The following ADCY3 variants were observed in gnomAD, a reference collection of about 807,000 sequenced individuals.
ADCY3 encodes the protein adenylate cyclase 3, also known as adenylate cyclase type 3.
Under a neutral mutation model 119.4 loss-of-function variants are expected in ADCY3, and 70 were observed. The ratio of observed to expected loss-of-function variants is 0.59; its 90% CI spans 0.48 to 0.72. ADCY3 has a LOEUF of 0.72. Ranked by LOEUF, ADCY3 falls within the 30% of genes least tolerant of loss-of-function variation. ADCY3 has a pLI of 0.00. For synonymous variants in ADCY3, 672 were observed against 621.4 expected, an observed-to-expected ratio of 1.08 and a Z score of -1.21; for missense variants, 1,238 against 1,541.6, an observed-to-expected ratio of 0.80 and a Z score of 3.30.
intron 2 of ADCY3, chr2:24,877,956 C>T (rs1292234018): frequency 2.1e-6 from 1 of 471,242 alleles, no homozygotes; most frequent in Middle Eastern, 3.2e-4. Context: ...GCTCTGGACA[C>T]CACCAAAGTC....
At chr2:24,916,618 G>A (rs887406574) in intron 2 of ADCY3, among the ~76,000 whole-genome samples, 12 of 152,116 alleles carry the variant, frequency 7.9e-5, no homozygotes, top group Non-Finnish European at 1.6e-4. Flanking sequence ...GGAGGCGGAG[G>A]TTGCAGTGAG....
chr2:24,889,375 C>T (rs1677418737), intron 2 of ADCY3, among the ~76,000 whole-genome samples: 1 of 152,218 alleles, frequency 6.6e-6, no homozygotes, highest in Admixed American at 6.5e-5. Flanking sequence ...GCTCAACTCC[C>T]AGACATTGTG....
intron 3 of ADCY3, among the ~76,000 whole-genome samples, chr2:24,852,091 G>A (rs73923442): frequency 0.021 from 3,131 of 152,288 alleles, 82 homozygotes; most frequent in African/African-American, 0.071. Context: ...GGCCCTGACA[G>A]TGCGGCTCTG....
chr2:24,871,365 C>T (rs910739282), intron 3 of ADCY3, among the ~76,000 whole-genome samples: 3 of 152,226 alleles, frequency 2.0e-5, no homozygotes, highest in Non-Finnish European at 4.4e-5. Flanking sequence ...GGCTACTAAG[C>T]CTGGACCTTT....
intron 8 of ADCY3, 34 bp downstream of exon 8, chr2:24,838,410 TG>T: frequency 1.3e-5 from 6 of 464,970 alleles, no homozygotes; most frequent in Non-Finnish European, 1.4e-5. Flanking sequence ...AGGGGTGGGG[TG>T]GGTGGGGTGG....
Position 24,918,857 on chromosome 2 carries a change from CCCGAGTTCCGGACCGAGA to C in ADCY3, c.113_130del (p.Ile38_Gly44delinsSer). On this transcript the variant is annotated inframe_deletion, in exon 2 of 22. Coordinates refer to ENST00000679454, the MANE Select transcript of ADCY3 (RefSeq NM_004036.5). This position sits in a 1 kb window ranked among gnomAD's most constrained non-coding sequence, Gnocchi z 5.4. ...GAAGCGAGGCAGGCACAGGCAGGAG[CCCGAGTTCCGGACCGAGA>C]TTTCATGGGTCCGGCCCACCCCGCG... is the stretch of plus-strand genomic sequence containing the variant. The C allele has an allele frequency of 6.2e-6, 10 of 1,613,368 alleles. No individual in the cohort carries two copies. Among genetic ancestry groups the C allele is most frequent in the Non-Finnish European group, 8.5e-6 (10 of 1,180,034 alleles).
At position 24,919,113 on chromosome 2, in the gene ADCY3, C is replaced by T; in HGVS notation, c.-126G>A. On this transcript the variant is annotated 5_prime_UTR_variant, in exon 2 of 22. Coordinates refer to ENST00000679454, the MANE Select transcript of ADCY3 (RefSeq NM_004036.5). The surrounding 1 kb of genome is among the most constrained non-coding windows in gnomAD (Gnocchi z 5.5). ...GCTGAGGGCCTCTTCTTGTCTGGGGCGGAGGGGAGGCCACCTCCAGCAGGA... is the reference window on the plus strand; with the variant it reads ...GCTGAGGGCCTCTTCTTGTCTGGGGTGGAGGGGAGGCCACCTCCAGCAGGA... 2 of 1,050,776 alleles carry T rather than the reference C, an allele frequency of 1.9e-6. No individual in the cohort carries two copies. The highest frequency in any genetic ancestry group is 2.7e-6 in the Non-Finnish European group (2 of 747,550). 65.1% of individuals were successfully genotyped at this position (1,050,776 alleles called of 1,614,324 possible).
At position 24,898,187 on chromosome 2, in the gene ADCY3, G is replaced by A. The variant is rs943497138; in HGVS notation, c.675+20126C>T. ...CCCCTCCCCTACTGACCTCAGGATCGAAATCCAACGTGCCCTTCACGGCCC... is the reference window on the plus strand; with the variant it reads ...CCCCTCCCCTACTGACCTCAGGATCAAAATCCAACGTGCCCTTCACGGCCC... On this transcript the variant is annotated intron_variant, in intron 2 of 21. Coordinates refer to ENST00000679454, the MANE Select transcript of ADCY3 (RefSeq NM_004036.5). The surrounding 1 kb of genome is among the most constrained non-coding windows in gnomAD (Gnocchi z 4.3). Among the ~76,000 whole-genome samples, 5 of 151,996 alleles carry A rather than the reference G, an allele frequency of 3.3e-5. No homozygotes were observed. Among genetic ancestry groups the A allele is most frequent in the Admixed American group, 1.3e-4 (2 of 15,250 alleles).
rs566470398 is a variant in ADCY3 at position 24,915,687 on chromosome 2, C to T, written c.675+2626G>A. ...TCCTGTGTAGCTGGGATTATAAGCA[C>T]GCCCCATCACACCTGGCTAATTTTT... is the stretch of plus-strand genomic sequence containing the variant. On this transcript the variant is annotated intron_variant, in intron 2 of 21. Transcript: ENST00000679454. Among the ~76,000 whole-genome samples the T allele has an allele frequency of 8.5e-5, 13 of 152,226 alleles. 1 individual carries two copies. The South Asian group carries it at 2.3e-3, about 27-fold the overall frequency.
rs750464171 is a variant in ADCY3 at position 24,828,176 on chromosome 2, G to A, written c.2173-15C>T. 27 of 1,611,458 alleles carry A rather than the reference G, an allele frequency of 1.7e-5. No individual in the cohort carries two copies. In the East Asian group the frequency reaches 2.2e-4, roughly 13 times the overall value. ...AGACAGCTGAGCTGGAGGCCAGGAC[G>A]GCGGGCAGGGACACACGTTCAAGAG... On this transcript the variant is annotated splice_polypyrimidine_tract_variant and intron_variant, in intron 13 of 21. Coordinates refer to ENST00000679454, the MANE Select transcript of ADCY3 (RefSeq NM_004036.5).
intron 9 of ADCY3, 126 bp from the exon 10 acceptor site, chr2:24,835,062 C>T (rs1262090574): frequency 8.0e-7 from 1 of 1,254,166 alleles, no homozygotes; most frequent in Admixed American, 2.4e-5. Flanking sequence ...ATCCCTCCAG[C>T]TCTAAAATCC....
At chr2:24,830,427 AACAT>A (rs1366955654) in intron 13 of ADCY3, among the ~76,000 whole-genome samples, 2 of 152,204 alleles carry the variant, frequency 1.3e-5, no homozygotes, top group Non-Finnish European at 2.9e-5. Context: ...TAAATGAATC[AACAT>A]ACATAAGGTA....
At chr2:24,851,166 C>T (rs370146253) in intron 3 of ADCY3, among the ~76,000 whole-genome samples, 106 of 152,316 alleles carry the variant, frequency 7.0e-4, no homozygotes, top group African/African-American at 2.5e-3. Context: ...TCCCTCAAGG[C>T]CTTTGGGCTT....
intron 2 of ADCY3, among the ~76,000 whole-genome samples, chr2:24,893,597 CCTGT>C (rs1260108448): frequency 2.3e-5 from 3 of 130,582 alleles, no homozygotes; most frequent in Non-Finnish European, 4.6e-5. Context: ...CTGCACAATA[CCTGT>C]CTTTTTTTTT....
intron 3 of ADCY3, among the ~76,000 whole-genome samples, chr2:24,855,956 A>T (rs1460913357): frequency 1.3e-5 from 2 of 152,202 alleles, no homozygotes; most frequent in African/African-American, 4.8e-5. Context: ...CAGAGATAGA[A>T]GGGGGAGGCA....
chr2:24,863,903 A>T (rs1003517895), intron 3 of ADCY3, among the ~76,000 whole-genome samples: 16 of 152,324 alleles, frequency 1.1e-4, no homozygotes, highest in African/African-American at 3.8e-4. Flanking sequence ...AGGGTTTCCA[A>T]AAGCAATGAG....
At chr2:24,862,100 C>T (rs949126900) in intron 3 of ADCY3, among the ~76,000 whole-genome samples, 3 of 152,174 alleles carry the variant, frequency 2.0e-5, no homozygotes, top group Non-Finnish European at 4.4e-5. Context: ...CCAGCGGGGT[C>T]ATCCCTCCCC....
intron 12 of ADCY3, among the ~76,000 whole-genome samples, 168 bp downstream of exon 12, chr2:24,831,494 G>A (rs1319473946): frequency 3.3e-5 from 5 of 152,260 alleles, no homozygotes; most frequent in Admixed American, 3.3e-4. Context: ...CAGAGGGAGT[G>A]CTCTGCTGAT....
intron 3 of ADCY3, among the ~76,000 whole-genome samples, chr2:24,860,235 C>CT (rs1243815820): frequency 1.3e-5 from 2 of 152,174 alleles, no homozygotes; most frequent in African/African-American, 4.8e-5. Context: ...GGCTGGGGTG[C>CT]TTAGCAACCC....
Sources: allele counts gnomAD v4.1 joint callset (sites outside exome capture counted in the v4.1 genomes callset), GRCh38; gene constraint gnomAD v4.1.1; non-coding constraint Gnocchi (gnomAD v3.1); transcripts MANE v1.5; gene names NCBI Gene and HGNC (gene_info 2026-07-23, HGNC 2026-07-21).